The following ENPP1 variants were observed in gnomAD, a reference collection of about 807,000 sequenced individuals.
ENPP1 encodes ectonucleotide pyrophosphatase/phosphodiesterase 1, also known as ectonucleotide pyrophosphatase/phosphodiesterase family member 1.
A neutral mutation model predicts 122.8 loss-of-function variants in ENPP1; 73 were observed. The ratio of observed to expected loss-of-function variants is 0.59; its 90% CI spans 0.49 to 0.72. The LOEUF is 0.72. Among genes scored for constraint, ENPP1 ranks in the 30% least tolerant of loss-of-function variants. The pLI is 0.00. For synonymous variants in ENPP1, 367 were observed against 391.6 expected (o/e 0.94, Z 0.74); for missense variants, 978 against 1,128.1 (o/e 0.87, Z 1.91).
intron 1 of ENPP1, 68 bp downstream of exon 1, chr6:131,808,343 T>A: frequency 2.1e-6 from 3 of 1,419,052 alleles, no homozygotes; most frequent in Non-Finnish European, 2.8e-6. Context: ...GCCGAGCTCC[T>A]GCGCTCTCAG....
intron 1 of ENPP1, chr6:131,826,652 A>G (rs1486678769): frequency 3.6e-6 from 3 of 822,984 alleles, no homozygotes; most frequent in African/African-American, 1.7e-5. Context: ...ATCATTTTCA[A>G]GTTGTTCAGC....
chr6:131,851,195 A>C lies in ENPP1; in HGVS notation c.484A>C (p.Ser162Arg). The change falls in exon 4 of 25, where the codon AGC becomes CGC. Residue 162 changes from serine to arginine, a missense_variant. Ser to Arg is a moderately radical substitution (Grantham distance 110). This residue lies in a region of ENPP1 where 330 missense variants were observed against 328.5 expected (regional missense o/e 1.00). Transcript: ENST00000647893. ...FRCGEKRLTRSLCACSDDCKD... is the reference protein window; with the variant it reads ...FRCGEKRLTRRLCACSDDCKD... ...GTGTGGTGAGAAAAGGTTGACCAGA[A>C]GCCTCTGTGCCTGTTCAGATGACTG... is the stretch of plus-strand genomic sequence containing the variant. 1 of 1,614,070 alleles carries C rather than the reference A, an allele frequency of 6.2e-7. No individual in the cohort carries two copies. The highest frequency in any genetic ancestry group is 8.5e-7 in the Non-Finnish European group (1 of 1,179,930).
At chr6:131,868,196 A>G in intron 12 of ENPP1, 70 bp downstream of exon 12, 1 of 1,163,594 alleles carries the variant, frequency 8.6e-7, no homozygotes, top group Non-Finnish European at 1.3e-6. Context: ...TGGTTTCCCA[A>G]TTTTTTCTGA....
intron 1 of ENPP1, among the ~76,000 whole-genome samples, chr6:131,828,740 C>T (rs895210607): frequency 2.0e-5 from 3 of 152,208 alleles, no homozygotes; most frequent in Admixed American, 1.3e-4. Context: ...ACTCCAGTCC[C>T]GGGCCCCAGG....
At chr6:131,832,459 G>T (rs886922724) in intron 1 of ENPP1, among the ~76,000 whole-genome samples, 4 of 152,200 alleles carry the variant, frequency 2.6e-5, no homozygotes, top group Non-Finnish European at 4.4e-5. Flanking sequence ...CCTTGGGAAT[G>T]ATTTAGGCAT....
rs563498006 is a variant in ENPP1 at position 131,811,341 on chromosome 6, G to T, written c.240+3066G>T. On this transcript the variant is annotated intron_variant, in intron 1 of 24. Coordinates refer to ENST00000647893, the MANE Select transcript of ENPP1 (RefSeq NM_006208.3). ...ACTACTTTCATGTTTCAGTGAAAGA[G>T]TTCTTTAAAAAAACATATATCTATA... Among the ~76,000 whole-genome samples, 347 of 141,748 alleles carry T rather than the reference G, an allele frequency of 2.4e-3. 1 individual carries two copies. The highest frequency in any genetic ancestry group is 6.0e-3 in the Admixed American group (86 of 14,292). 93.0% of individuals were successfully genotyped at this position (141,748 alleles called of 152,430 possible).
At chr6:131,886,778 A>G in intron 24 of ENPP1, 54 bp downstream of exon 24, 3 of 1,505,456 alleles carry the variant, frequency 2.0e-6, no homozygotes, top group Non-Finnish European at 2.8e-6. Context: ...ACATATGCAT[A>G]TTTGTTTATG....
chr6:131,837,368 A>C (rs1022350018), intron 1 of ENPP1, among the ~76,000 whole-genome samples: 1 of 151,986 alleles, frequency 6.6e-6, no homozygotes, highest in Non-Finnish European at 1.5e-5. Flanking sequence ...TCTACTAAAA[A>C]TACAAAACTT....
chr6:131,818,713 T>C (rs1006565296), intron 1 of ENPP1, among the ~76,000 whole-genome samples: 2 of 152,204 alleles, frequency 1.3e-5, no homozygotes, highest in Non-Finnish European at 2.9e-5. Flanking sequence ...ACCTGTCTTT[T>C]TGATATTCTA....
In ENPP1 at chr6:131,867,922, T is replaced by C. The variant is rs1585829429; in HGVS notation, c.1165-96T>C. 8.0e-6 allele frequency: 7 copies of C among 875,706 alleles called. No homozygotes were observed. In the East Asian group the frequency reaches 1.7e-4, roughly 22 times the overall value. The allele number at this position is 875,706 out of a possible 1,614,324, so 54.2% of individuals were successfully genotyped here. A position where few individuals can be genotyped will look rare whatever the true frequency, so the allele number is the denominator to read the frequency against. On this transcript the variant is annotated intron_variant, in intron 11 of 24. Transcript: ENST00000647893. ...GTCTGTCTTTCTTTCTTTCTTTGTT[T>C]CTTTCTTTTTTTTTTTTTTTAACAG...
intron 1 of ENPP1, among the ~76,000 whole-genome samples, chr6:131,843,629 C>G (rs922917760): frequency 2.0e-5 from 3 of 151,674 alleles, no homozygotes; most frequent in African/African-American, 7.3e-5. Context: ...TTCTGTTTTC[C>G]CCACCTTTCC....
At chr6:131,810,458 C>G (rs554413500) in intron 1 of ENPP1, among the ~76,000 whole-genome samples, 4 of 146,212 alleles carry the variant, frequency 2.7e-5, no homozygotes, top group African/African-American at 1.0e-4. Context: ...GCCCCCCCCC[C>G]AAAAACTTCC....
At position 131,893,293 on chromosome 6, in the gene ENPP1, G is replaced by A. The variant is rs1415398020; in HGVS notation, c.*2782G>A. 6 of 152,232 alleles carry A rather than the reference G, an allele frequency of 3.9e-5. No individual in the cohort carries two copies. Among genetic ancestry groups the A allele is most frequent in the Non-Finnish European group, 5.9e-5 (4 of 68,044 alleles). The allele number at this position is 152,232 out of a possible 1,614,324, so 9.4% of individuals were successfully genotyped here. ...ACAAGTGACAATTTTCTCTGTCTTA[G>A]GGAGAAGAGACAGCAGAAGTGTAAA... On this transcript the variant is annotated 3_prime_UTR_variant, in exon 25 of 25. Coordinates refer to ENST00000647893, the MANE Select transcript of ENPP1 (RefSeq NM_006208.3).
Position 131,828,265 on chromosome 6 carries a change from C to T in ENPP1, c.241-19511C>T, listed in dbSNP as rs576241101. On this transcript the variant is annotated intron_variant, in intron 1 of 24. Transcript: ENST00000647893. Reference sequence around the variant, plus strand: ...ACTTTGTAAGAAGACAGCACAGAACCCTGCTCTGTGTCAGCTGGAGAGCTC... The same window carrying T: ...ACTTTGTAAGAAGACAGCACAGAACTCTGCTCTGTGTCAGCTGGAGAGCTC... 2.6e-5 allele frequency: 14 copies of T among 544,158 alleles called. No homozygotes were observed. In the African/African-American group the frequency reaches 2.7e-4, roughly 10 times the overall value. 33.7% of individuals were successfully genotyped at this position (544,158 alleles called of 1,614,324 possible).
In ENPP1 at chr6:131,834,850, C is replaced by T. The variant is rs561760029; in HGVS notation, c.241-12926C>T. 8.3e-4 allele frequency among the ~76,000 whole-genome samples: 126 copies of T among 152,200 alleles called. 1 individual carries two copies. Among genetic ancestry groups the T allele is most frequent in the African/African-American group, 2.8e-3 (118 of 41,518 alleles). The stretch of plus-strand genomic sequence containing the variant: ...CTGGGATTACAGGCGTGAGCCACCG[C>T]GCCCAGCTGAGGTAATAGTCTTTAA... On this transcript the variant is annotated intron_variant, in intron 1 of 24. Coordinates refer to ENST00000647893, the MANE Select transcript of ENPP1 (RefSeq NM_006208.3).
chr6:131,865,809 C>T (rs1782081829), intron 11 of ENPP1, among the ~76,000 whole-genome samples: 1 of 152,102 alleles, frequency 6.6e-6, no homozygotes, highest in Admixed American at 6.5e-5. Context: ...GCCTGGCCAA[C>T]ATGGCAAAAC....
At chr6:131,887,725 ATTTT>A (rs757759048) in intron 24 of ENPP1, among the ~76,000 whole-genome samples, 1 of 114,888 alleles carries the variant, frequency 8.7e-6, no homozygotes, top group Non-Finnish European at 1.8e-5. Context: ...CACCCGGCTA[ATTTT>A]TTTTTTTTTT....
intron 1 of ENPP1, chr6:131,827,944 T>C: frequency 5.3e-6 from 5 of 945,088 alleles, no homozygotes; most frequent in Non-Finnish European, 8.5e-6. Context: ...ATCGAAGCAC[T>C]TATAAAGGAT....
At chr6:131,854,787 TGTTA>T (rs1436630276) in intron 5 of ENPP1, 135 bp from the exon 6 acceptor site, 12 of 686,700 alleles carry the variant, frequency 1.7e-5, no homozygotes, top group East Asian at 8.0e-5. Context: ...TTGCCGACTT[TGTTA>T]GTTAGTTTTC....
Sources: gnomAD v4.1 joint callset for allele counts (sites outside exome capture counted in the v4.1 genomes callset) on GRCh38, gnomAD v4.1.1 for gene constraint, gnomAD v4.1.1 regional missense constraint, MANE v1.5 for transcripts, NCBI Gene and HGNC (gene_info 2026-07-23, HGNC 2026-07-21) for gene names.